UACA: variants seen among roughly 807,000 people sequenced by gnomAD.
UACA encodes nuclear membrane binding protein.
Under a neutral mutation model 160.5 loss-of-function variants are expected in UACA, and 112 were observed. The observed-to-expected ratio is 0.70, with a 90% CI of 0.60 to 0.82. The LOEUF is 0.82. UACA is among the 40% of genes least tolerant of loss of function. UACA has a pLI of 0.00. For missense variants in UACA, 1,574 were observed against 1,614.6 expected (o/e 0.97, Z 0.43); for synonymous variants, 557 against 568.4 (o/e 0.98, Z 0.29).
At chr15:70,753,048 C>T (rs1392910111) in intron 1 of UACA, among the ~76,000 whole-genome samples, 1 of 152,050 alleles carries the variant, frequency 6.6e-6, no homozygotes, top group Admixed American at 6.6e-5. Flanking sequence ...TTTTAAATAT[C>T]AGGGAAGGTA....
chr15:70,661,854 C>T (rs1298348502), intron 17 of UACA, among the ~76,000 whole-genome samples: 4 of 152,030 alleles, frequency 2.6e-5, no homozygotes, highest in Non-Finnish European at 5.9e-5. Flanking sequence ...ATTGATGGGA[C>T]GTATCTCAAA....
chr15:70,687,750 T>C lies in UACA; in HGVS notation c.495A>G (p.Val165=), dbSNP rs751899551. The part of the protein sequence containing the change: ...DHGASVNAKD[V]DGRTPLVLAT... The stretch of plus-strand genomic sequence containing the variant: ...TGAGAATAAACATAAACTAACTTAC[T>C]ACATCTTTGGCATTCACAGAGGCCC... The change falls in exon 6 of 19, where the codon GTA becomes GTG. Residue 165 remains valine, a splice_region_variant and synonymous_variant. Transcript: ENST00000322954. 1.9e-5 allele frequency: 30 copies of C among 1,613,752 alleles called. No individual in the cohort carries two copies. In the East Asian group the frequency reaches 6.2e-4, roughly 34 times the overall value.
chr15:70,697,452 G>C (rs1362220351), intron 2 of UACA, among the ~76,000 whole-genome samples: 2 of 152,236 alleles, frequency 1.3e-5, no homozygotes, highest in Non-Finnish European at 2.9e-5. Context: ...TGGAAGGGCT[G>C]TACCTTAGGA....
chr15:70,715,358 T>C (rs1013831861), intron 1 of UACA, among the ~76,000 whole-genome samples: 3 of 152,160 alleles, frequency 2.0e-5, no homozygotes, highest in African/African-American at 7.2e-5. Context: ...GATACACTTA[T>C]TAAAGAGCCT....
chr15:70,690,547 GT>G, intron 4 of UACA, 36 bp from the exon 5 acceptor site: 1 of 1,542,562 alleles, frequency 6.5e-7, no homozygotes, highest in Non-Finnish European at 8.9e-7. Flanking sequence ...AAGTAGGAGA[GT>G]TTTATTTTAA....
intron 1 of UACA, among the ~76,000 whole-genome samples, chr15:70,704,198 A>G (rs1898459814): frequency 6.6e-6 from 1 of 152,238 alleles, no homozygotes; most frequent in Non-Finnish European, 1.5e-5. Flanking sequence ...CTTAAGAACC[A>G]GAATCCACAT....
At chr15:70,679,807 GGC>G in intron 9 of UACA, 131 bp from the exon 10 acceptor site, 1 of 480,140 alleles carries the variant, frequency 2.1e-6, no homozygotes, top group Non-Finnish European at 3.6e-6. Flanking sequence ...AACACAAGGT[GGC>G]AGTGTTTCTA....
chr15:70,735,147 T>TAAAAAAAAAAAAAAATTCTCAAAAAAAAA (rs1899320412), intron 1 of UACA, among the ~76,000 whole-genome samples: 1 of 3,100 alleles, frequency 3.2e-4, no homozygotes, highest in African/African-American at 1.2e-3. Context: ...TAGAGTATAA[T>TAAAAAAAAAAAAAAATTCTCAAAAAAAAA]AAAAAAAAAA....
intron 1 of UACA, among the ~76,000 whole-genome samples, chr15:70,718,366 GTGTGTGTT>G (rs1898890790): frequency 6.8e-6 from 1 of 147,098 alleles, no homozygotes; most frequent in African/African-American, 2.6e-5. Context: ...GTGTGTGTGT[GTGTGTGTT>G]AGGAGTTGAC....
chr15:70,712,821 G>GA (rs1332209263), intron 1 of UACA, among the ~76,000 whole-genome samples: 5 of 151,942 alleles, frequency 3.3e-5, no homozygotes, highest in African/African-American at 1.2e-4. Flanking sequence ...TAATCATCTG[G>GA]AAAAAAATCT....
intron 1 of UACA, among the ~76,000 whole-genome samples, chr15:70,760,370 C>T (rs1274040106): frequency 6.6e-6 from 1 of 152,126 alleles, no homozygotes; most frequent in Non-Finnish European, 1.5e-5. Context: ...TAACCACCTT[C>T]TCTGCACAGC....
At position 70,657,028 on chromosome 15, in the gene UACA, A is replaced by G; in HGVS notation, c.*28T>C. 1.9e-6 allele frequency: 3 copies of G among 1,604,474 alleles called. No homozygotes were observed. Among genetic ancestry groups the G allele is most frequent in the Non-Finnish European group, 2.6e-6 (3 of 1,171,234 alleles). ...AGAATGTTCAGCACCAGCAAGATAA[A>G]ACAGATACTGGCAGTCAGTGCTAAC... On this transcript the variant is annotated 3_prime_UTR_variant, in exon 19 of 19. Transcript: ENST00000322954.
At chr15:70,681,301 CTGAG>C (rs1897493781) in intron 9 of UACA, among the ~76,000 whole-genome samples, 1 of 151,998 alleles carries the variant, frequency 6.6e-6, no homozygotes, top group Non-Finnish European at 1.5e-5. Flanking sequence ...GAACAAACAA[CTGAG>C]TGAGTCTTAC....
At chr15:70,737,657 G>T (rs2140999371) in intron 1 of UACA, among the ~76,000 whole-genome samples, 1 of 152,232 alleles carries the variant, frequency 6.6e-6, no homozygotes, top group East Asian at 1.9e-4. Context: ...GCAGTGAGCT[G>T]AGATCGCGCC....
At chr15:70,700,576 G>A (rs1898321250) in intron 1 of UACA, among the ~76,000 whole-genome samples, 1 of 151,442 alleles carries the variant, frequency 6.6e-6, no homozygotes, top group Admixed American at 6.6e-5. Context: ...TAAAGGTGGG[G>A]GTTTTAAGAA....
rs1898266957 is a variant in UACA, at chr15:70,699,664, CA to C, written c.79-5del. 1 of 1,551,490 alleles carries C rather than the reference CA, an allele frequency of 6.4e-7. No individual in the cohort carries two copies. On this transcript the variant is annotated splice_polypyrimidine_tract_variant and splice_region_variant and intron_variant, in intron 1 of 18. Coordinates refer to ENST00000322954, the MANE Select transcript of UACA (RefSeq NM_018003.4). The stretch of plus-strand genomic sequence containing the variant: ...ATTTATTCCAATCTGCTGCATGCTA[CA>C]AAAAGGAAAAAAAAAAGTAAATATG...
intron 9 of UACA, 47 bp downstream of exon 9, chr15:70,682,711 A>C (rs1417924510): frequency 8.0e-7 from 1 of 1,248,280 alleles, no homozygotes; most frequent in Non-Finnish European, 1.1e-6. Context: ...TAAGCACTTT[A>C]AACTATACAA....
intron 17 of UACA, chr15:70,661,021 T>C (rs1595864567): frequency 1.3e-5 from 2 of 152,348 alleles, no homozygotes; most frequent in African/African-American, 4.8e-5. Flanking sequence ...TCTTGGAACA[T>C]ACCCTCAGTG....
At chr15:70,702,108 G>A (rs1898386709) in intron 1 of UACA, 9 of 1,328,856 alleles carry the variant, frequency 6.8e-6, no homozygotes, top group African/African-American at 1.5e-5. Flanking sequence ...CCTTCATAAC[G>A]CTCGAATATT....
Sources: allele counts gnomAD v4.1 joint callset (sites outside exome capture counted in the v4.1 genomes callset), GRCh38; gene constraint gnomAD v4.1.1; transcripts MANE v1.5; gene names NCBI Gene and HGNC (gene_info 2026-07-23, HGNC 2026-07-21).